REV3L: variants seen among roughly 807,000 people sequenced by gnomAD.
REV3L encodes the protein DNA polymerase zeta catalytic subunit.
Under a neutral mutation model 299.4 loss-of-function variants are expected in REV3L, and 69 were observed. That is an observed-to-expected ratio of 0.23 (90% CI 0.19 to 0.28). The LOEUF (loss-of-function observed/expected upper bound fraction) is 0.28. REV3L is among the 10% of genes least tolerant of loss of function. The pLI is 1.00. For missense variants in REV3L, 3,128 were observed against 3,693.8 expected (o/e 0.85, Z 3.97); for synonymous variants, 1,238 against 1,271.4 (o/e 0.97, Z 0.56).
rs373887649 is a variant in REV3L, at chr6:111,374,954, G to C, written c.3401C>G (p.Pro1134Arg). 36 of 1,612,566 alleles carry C rather than the reference G, an allele frequency of 2.2e-5. No homozygotes were observed. Among genetic ancestry groups the C allele is most frequent in the Non-Finnish European group, 2.9e-5 (34 of 1,179,532 alleles). ...SPPRCWSPTD[P>R]RAEEIMAAAE... is the part of the protein sequence containing the mutation. Reference sequence around the variant, plus strand: ...AGCAGCCATGATTTCTTCAGCTCTTGGATCTGTGGGAGACCAGCAGCGAGG... The same window carrying C: ...AGCAGCCATGATTTCTTCAGCTCTTCGATCTGTGGGAGACCAGCAGCGAGG... Residue 1134 changes from proline to arginine, a missense_variant, in exon 13 of 32, where the codon CCA (proline) becomes CGA (arginine). Pro to Arg is a moderately radical substitution (Grantham distance 103). Around this residue, in one of 9 missense-constraint regions of REV3L, gnomAD observed 2,409 missense variants for 2,611.8 expected, o/e 0.92. Transcript: ENST00000368802.
chr6:111,338,549 T>TA (rs1309466733), intron 21 of REV3L, among the ~76,000 whole-genome samples: 1 of 151,498 alleles, frequency 6.6e-6, no homozygotes, highest in East Asian at 1.9e-4. Context: ...ACATAACTGT[T>TA]ACGGTGAAAA....
rs41564212 is a variant in REV3L at position 111,389,261 on chromosome 6, T to TA, written c.758-52dup. On this transcript the variant is annotated intron_variant, in intron 6 of 31. Coordinates refer to ENST00000368802, the MANE Select transcript of REV3L (RefSeq NM_001372078.1). The stretch of plus-strand genomic sequence containing the variant: ...CTACAGGGTCAAAGTAAGAAATGCC[T>TA]AAAAAATCTAAACTTTTCTTTAACA... 3.2e-3 allele frequency: 4,205 copies of TA among 1,295,866 alleles called. 25 individuals carry two copies. Among genetic ancestry groups the TA allele is most frequent in the Middle Eastern group, 0.019 (102 of 5,326 alleles). 80.3% of individuals were successfully genotyped at this position (1,295,866 alleles called of 1,614,324 possible).
At chr6:111,478,355 TA>T (rs1163990387) in intron 1 of REV3L, among the ~76,000 whole-genome samples, 5 of 152,184 alleles carry the variant, frequency 3.3e-5, no homozygotes, top group Admixed American at 3.3e-4. Flanking sequence ...CACTTAAAGC[TA>T]AAACAACTTG....
chr6:111,421,322 A>G (rs1785321694), intron 1 of REV3L, among the ~76,000 whole-genome samples: 1 of 152,160 alleles, frequency 6.6e-6, no homozygotes. Flanking sequence ...AAACACAAAG[A>G]CTAAATGTAC....
intron 10 of REV3L, among the ~76,000 whole-genome samples, chr6:111,380,480 CG>C (rs1780723354): frequency 6.6e-6 from 1 of 152,054 alleles, no homozygotes; most frequent in African/African-American, 2.4e-5. Flanking sequence ...AGGATGGTCT[CG>C]ATCTCCTGAC....
In REV3L at chr6:111,357,109, A is replaced by G; in HGVS notation, c.7089T>C (p.Thr2363=). 1 of 1,559,818 alleles carries G rather than the reference A, an allele frequency of 6.4e-7. No homozygotes were observed. Among genetic ancestry groups the G allele is most frequent in the Non-Finnish European group, 8.7e-7 (1 of 1,147,256 alleles). Residue 2363 remains threonine, a synonymous_variant, in exon 18 of 32, where the codon ACT becomes ACC. Transcript: ENST00000368802. ...TVFSQDIRYQ[T]PLLIRSGITG... ...TAATTCCAGATCTAATAAGTAATGG[A>G]GTCTGATATCTGATATCTAAAAAAC... is the stretch of plus-strand genomic sequence containing the variant.
At chr6:111,303,789 G>A (rs1364370495) in intron 31 of REV3L, among the ~76,000 whole-genome samples, 2 of 129,516 alleles carry the variant, frequency 1.5e-5, no homozygotes, top group Admixed American at 8.6e-5. Context: ...GTGTGATCTC[G>A]GCTCACTGCA....
chr6:111,328,169 G>C (rs1339673148), intron 25 of REV3L, among the ~76,000 whole-genome samples: 1 of 152,086 alleles, frequency 6.6e-6, no homozygotes, highest in African/African-American at 2.4e-5. Context: ...TCTTTCAACT[G>C]TCACTATCAT....
intron 1 of REV3L, among the ~76,000 whole-genome samples, chr6:111,424,143 T>C (rs1448334091): frequency 6.6e-6 from 1 of 152,082 alleles, no homozygotes; most frequent in African/African-American, 2.4e-5. Context: ...TTGATTTATG[T>C]GAAATGTGAC....
intron 17 of REV3L, among the ~76,000 whole-genome samples, chr6:111,357,989 T>C (rs561001544): frequency 1.1e-3 from 171 of 152,106 alleles, no homozygotes; most frequent in Middle Eastern, 3.4e-3. Context: ...TGAGCTGGTA[T>C]GTGTCAGCTC....
intron 21 of REV3L, among the ~76,000 whole-genome samples, chr6:111,338,095 G>GT (rs1015897733): frequency 1.6e-4 from 25 of 152,032 alleles, no homozygotes; most frequent in African/African-American, 5.6e-4. Context: ...ACCAACACAG[G>GT]TTTAACAGAA....
At position 111,422,638 on chromosome 6, in the gene REV3L, A is replaced by T. The variant is rs1785616181; in HGVS notation, c.140-6166T>A. ...CACATATATATATATATACACATAT[A>T]TATATATATACATATATATATATAC... is the stretch of plus-strand genomic sequence containing the variant. On this transcript the variant is annotated intron_variant, in intron 1 of 31. Coordinates refer to ENST00000368802, the MANE Select transcript of REV3L (RefSeq NM_001372078.1). Among the ~76,000 whole-genome samples, 6 of 28,016 alleles carry T rather than the reference A, an allele frequency of 2.1e-4. 1 individual carries two copies. The highest frequency in any genetic ancestry group is 4.2e-4 in the Non-Finnish European group (3 of 7,208). 18.4% of individuals were successfully genotyped at this position (28,016 alleles called of 152,430 possible).
chr6:111,408,572 C>A (rs1234894269), intron 3 of REV3L, among the ~76,000 whole-genome samples: 4 of 151,722 alleles, frequency 2.6e-5, no homozygotes, highest in Middle Eastern at 3.2e-3. Flanking sequence ...CCACTGCACC[C>A]CAGCCTGGGC....
intron 21 of REV3L, among the ~76,000 whole-genome samples, chr6:111,336,022 C>A (rs1775861116): frequency 6.7e-6 from 1 of 149,220 alleles, no homozygotes. Flanking sequence ...TCTGGGTTAT[C>A]ATTGTAAGTC....
intron 31 of REV3L, among the ~76,000 whole-genome samples, chr6:111,306,930 A>C (rs1772373763): frequency 6.6e-6 from 1 of 152,230 alleles, no homozygotes. Context: ...TTTTGGAATA[A>C]GTGCATTATA....
At position 111,418,456 on chromosome 6, in the gene REV3L, C is replaced by T. The variant is rs111410238; in HGVS notation, c.140-1984G>A. 7.3e-3 allele frequency among the ~76,000 whole-genome samples: 1,117 copies of T among 152,200 alleles called. 13 individuals carry two copies. Among genetic ancestry groups the T allele is most frequent in the African/African-American group, 0.026 (1,063 of 41,534 alleles). ...GTGAAGTAGGGACCAGAAGAATTAC[C>T]TTTCTATTTATAGGCTTCAGAACTA... is the stretch of plus-strand genomic sequence containing the variant. On this transcript the variant is annotated intron_variant, in intron 1 of 31. Transcript: ENST00000368802.
chr6:111,453,402 T>A (rs550467948), intron 1 of REV3L, among the ~76,000 whole-genome samples: 1 of 152,292 alleles, frequency 6.6e-6, no homozygotes, highest in South Asian at 2.1e-4. Flanking sequence ...AATAGAGGTA[T>A]CTCCATTTCA....
chr6:111,420,247 T>C (rs1470081931), intron 1 of REV3L, among the ~76,000 whole-genome samples: 1 of 152,196 alleles, frequency 6.6e-6, no homozygotes, highest in Non-Finnish European at 1.5e-5. Context: ...TAACGTAAAC[T>C]GATACATAAA....
intron 1 of REV3L, among the ~76,000 whole-genome samples, chr6:111,441,263 T>A (rs933951747): frequency 2.6e-5 from 4 of 151,642 alleles, no homozygotes; most frequent in African/African-American, 9.7e-5. Flanking sequence ...GTCGTCATTG[T>A]TGTTTTTGAG....
Sources: allele counts gnomAD v4.1 joint callset (sites outside exome capture counted in the v4.1 genomes callset), GRCh38; gene constraint gnomAD v4.1.1; regional missense constraint gnomAD v4.1.1; transcripts MANE v1.5; gene names NCBI Gene and HGNC (gene_info 2026-07-23, HGNC 2026-07-21).